DPP10: variants seen among roughly 807,000 people sequenced by gnomAD.
The protein encoded by DPP10 is dipeptidyl peptidase like 10, also known as inactive dipeptidyl peptidase 10.
Under a neutral mutation model 120.9 loss-of-function variants are expected in DPP10, and 33 were observed. The ratio of observed to expected loss-of-function variants is 0.27; its 90% CI spans 0.21 to 0.37. The LOEUF (loss-of-function observed/expected upper bound fraction) is 0.37. Among genes scored for constraint, DPP10 ranks in the 10% least tolerant of loss-of-function variants. The pLI, the probability that DPP10 is intolerant of heterozygous loss-of-function variation, is 1.00. For synonymous variants in DPP10, 337 were observed against 326.1 expected, an observed-to-expected ratio of 1.03 and a Z score of -0.36; for missense variants, 816 against 942.8, an observed-to-expected ratio of 0.87 and a Z score of 1.76.
chr2:114,853,273 C>T (rs2106496914), intron 1 of DPP10, among the ~76,000 whole-genome samples: 1 of 151,860 alleles, frequency 6.6e-6, no homozygotes, highest in South Asian at 2.1e-4. Flanking sequence ...GTAAACATTC[C>T]CTGAGCTACT....
intron 1 of DPP10, chr2:115,162,125 C>T (rs1035735137): frequency 3.3e-6 from 5 of 1,523,552 alleles, no homozygotes; most frequent in Non-Finnish European, 1.8e-6. Context: ...TCCCGCGCCT[C>T]CCTCTTCTCA....
chr2:115,224,108 C>T (rs1474638070), intron 1 of DPP10, among the ~76,000 whole-genome samples: 1 of 152,016 alleles, frequency 6.6e-6, no homozygotes, highest in Non-Finnish European at 1.5e-5. Context: ...AGAAAACAGT[C>T]ATCAGGTACA....
chr2:114,558,180 C>T (rs952238709), intron 1 of DPP10, among the ~76,000 whole-genome samples: 2 of 152,144 alleles, frequency 1.3e-5, no homozygotes, highest in Admixed American at 6.5e-5. Flanking sequence ...ACAGAGTGCC[C>T]GGGCGCTCCA....
At chr2:114,861,102 T>C (rs1052170162) in intron 1 of DPP10, among the ~76,000 whole-genome samples, 2 of 152,082 alleles carry the variant, frequency 1.3e-5, no homozygotes, top group Non-Finnish European at 2.9e-5. Flanking sequence ...GTGTAGATAC[T>C]GTATTACAAA....
chr2:115,704,055 A>G (rs2091999096), intron 7 of DPP10, among the ~76,000 whole-genome samples: 1 of 151,952 alleles, frequency 6.6e-6, no homozygotes, highest in South Asian at 2.1e-4. Context: ...ATAAAATGTC[A>G]TTGAAGTGAC....
At chr2:114,469,437 A>G (rs976729957) in intron 1 of DPP10, among the ~76,000 whole-genome samples, 6 of 152,198 alleles carry the variant, frequency 3.9e-5, no homozygotes, top group African/African-American at 1.2e-4. Flanking sequence ...TAAAAAATAT[A>G]TATATATTGT....
intron 1 of DPP10, among the ~76,000 whole-genome samples, chr2:114,872,412 G>T (rs1690763862): frequency 6.6e-6 from 1 of 152,076 alleles, no homozygotes; most frequent in African/African-American, 2.4e-5. Flanking sequence ...CCAACACGTG[G>T]GTATTACAAT....
At chr2:114,983,319 A>G (rs1477011522) in intron 1 of DPP10, among the ~76,000 whole-genome samples, 1 of 152,194 alleles carries the variant, frequency 6.6e-6, no homozygotes, top group African/African-American at 2.4e-5. Context: ...TTTATAATTA[A>G]ATGCCATATT....
intron 1 of DPP10, among the ~76,000 whole-genome samples, chr2:114,971,383 A>G (rs1699383995): frequency 6.6e-6 from 1 of 152,152 alleles, no homozygotes; most frequent in Non-Finnish European, 1.5e-5. Flanking sequence ...GTTCCCCAGA[A>G]AAGGGTTTTT....
At chr2:114,491,642 T>C (rs916019027) in intron 1 of DPP10, among the ~76,000 whole-genome samples, 5 of 152,228 alleles carry the variant, frequency 3.3e-5, no homozygotes, top group African/African-American at 1.2e-4. Flanking sequence ...CACCAGATAC[T>C]GCATTTCCTT....
chr2:115,583,370 C>T (rs1056114028), intron 5 of DPP10, among the ~76,000 whole-genome samples: 3 of 152,184 alleles, frequency 2.0e-5, no homozygotes, highest in African/African-American at 7.2e-5. Context: ...TTGTCTTCCA[C>T]TGGATATTAA....
intron 5 of DPP10, among the ~76,000 whole-genome samples, chr2:115,634,612 G>T (rs2086167959): frequency 6.6e-6 from 1 of 152,088 alleles, no homozygotes; most frequent in East Asian, 1.9e-4. Context: ...GTACCAGAGG[G>T]GCACTGACCT....
chr2:115,729,018 T>C (rs1203961025), intron 8 of DPP10, among the ~76,000 whole-genome samples: 3 of 152,172 alleles, frequency 2.0e-5, no homozygotes, highest in African/African-American at 7.2e-5. Flanking sequence ...TGAAATAAGA[T>C]TTTTAGAGGC....
At chr2:115,253,230 C>T (rs1295027303) in intron 1 of DPP10, among the ~76,000 whole-genome samples, 2 of 152,150 alleles carry the variant, frequency 1.3e-5, no homozygotes, top group African/African-American at 4.8e-5. Context: ...CAGCACCAAA[C>T]CATGAGGGAG....
At chr2:115,594,920 A>G (rs1161405370) in intron 5 of DPP10, among the ~76,000 whole-genome samples, 1 of 152,208 alleles carries the variant, frequency 6.6e-6, no homozygotes, top group African/African-American at 2.4e-5. Flanking sequence ...ACACACACTA[A>G]TAACACATTT....
At chr2:114,672,355 C>G (rs1454561763) in intron 1 of DPP10, among the ~76,000 whole-genome samples, 1 of 152,144 alleles carries the variant, frequency 6.6e-6, no homozygotes, top group African/African-American at 2.4e-5. Flanking sequence ...CTTTTTCTGT[C>G]TTTCTCTTTC....
intron 1 of DPP10, among the ~76,000 whole-genome samples, chr2:114,756,231 G>A (rs1001756572): frequency 6.6e-6 from 1 of 152,166 alleles, no homozygotes; most frequent in African/African-American, 2.4e-5. Context: ...AAAGGTAGAG[G>A]TGTCTCTAAG....
At chr2:115,098,600 G>A (rs534735714) in intron 1 of DPP10, among the ~76,000 whole-genome samples, 2 of 151,932 alleles carry the variant, frequency 1.3e-5, no homozygotes, top group Non-Finnish European at 2.9e-5. Flanking sequence ...TAAAAATTCA[G>A]TACTATAATC....
chr2:114,964,854 G>T (rs190228646), intron 1 of DPP10, among the ~76,000 whole-genome samples: 1 of 152,186 alleles, frequency 6.6e-6, no homozygotes, highest in Non-Finnish European at 1.5e-5. Context: ...TTAAAACTGG[G>T]CTCCTGTTAA....
Sources: allele counts gnomAD v4.1 joint callset (sites outside exome capture counted in the v4.1 genomes callset), GRCh38; gene constraint gnomAD v4.1.1; transcripts MANE v1.5; gene names NCBI Gene and HGNC (gene_info 2026-07-23, HGNC 2026-07-21).